MAP2: variants seen among roughly 807,000 people sequenced by gnomAD.
MAP2 encodes microtubule-associated protein 2.
MAP2 carries 14 observed loss-of-function variants against 137.6 expected under a neutral mutation model. The ratio of observed to expected loss-of-function variants is 0.10; its 90% confidence interval spans 0.07 to 0.16. The LOEUF (loss-of-function observed/expected upper bound fraction) is 0.16, where lower values mean the gene tolerates loss of function less well. Ranked by LOEUF, MAP2 falls within the 10% of genes least tolerant of loss-of-function variation. The pLI, the probability that MAP2 is intolerant of heterozygous loss-of-function variation, is 1.00. For missense variants in MAP2, 2,088 were observed against 2,191.5 expected (o/e 0.95, Z 0.94); for synonymous variants, 786 against 782.3 (o/e 1.00, Z -0.08).
At chr2:209,596,630 A>T (rs1009659332) in intron 3 of MAP2, among the ~76,000 whole-genome samples, 5 of 152,356 alleles carry the variant, frequency 3.3e-5, no homozygotes, top group Admixed American at 1.3e-4. Flanking sequence ...AAATATTGGC[A>T]TAGCTGAGGC....
At chr2:209,433,322 T>C (rs1416019625) in intron 1 of MAP2, among the ~76,000 whole-genome samples, 1 of 152,064 alleles carries the variant, frequency 6.6e-6, no homozygotes, top group African/African-American at 2.4e-5. Context: ...CCAGCCACAG[T>C]AGTACCCGGA....
chr2:209,512,482 A>G (rs902941504), intron 2 of MAP2, among the ~76,000 whole-genome samples: 1 of 151,632 alleles, frequency 6.6e-6, no homozygotes, highest in African/African-American at 2.4e-5. Context: ...AAAACAGAAA[A>G]TAAAATGAAT....
chr2:209,446,936 A>G (rs188025532), intron 1 of MAP2, among the ~76,000 whole-genome samples: 1 of 151,972 alleles, frequency 6.6e-6, no homozygotes, highest in East Asian at 1.9e-4. Context: ...AATAGCAGAT[A>G]TTTTCTCAGA....
chr2:209,509,572 A>T (rs571243177), intron 2 of MAP2, among the ~76,000 whole-genome samples: 34 of 151,956 alleles, frequency 2.2e-4, no homozygotes, highest in Non-Finnish European at 4.3e-4. Context: ...TTGTAAAAGC[A>T]GTTAGATGTA....
At chr2:209,488,848 G>A (rs539674751) in intron 1 of MAP2, among the ~76,000 whole-genome samples, 2 of 152,314 alleles carry the variant, frequency 1.3e-5, no homozygotes, top group East Asian at 1.9e-4. Flanking sequence ...GAAAGGGGGG[G>A]ATGTGGGTAC....
At chr2:209,583,052 A>G (rs2153408007) in intron 3 of MAP2, among the ~76,000 whole-genome samples, 2 of 152,170 alleles carry the variant, frequency 1.3e-5, no homozygotes, top group Middle Eastern at 6.8e-3. Context: ...TGTTCCATGC[A>G]ATAAGGTTAA....
rs986379288 is a variant in MAP2 at position 209,630,964 on chromosome 2, G to A, written c.-30+5835G>A. Among the ~76,000 whole-genome samples the A allele has an allele frequency of 2.5e-5, 3 of 118,146 alleles. No homozygotes were observed. The Admixed American group carries it at 3.5e-4, about 14-fold the overall frequency. The allele number at this position is 118,146 out of a possible 152,430, so 77.5% of individuals were successfully genotyped here. ...TATTCAAGCTCTCCTTGTCCCTTGA[G>A]CTAGAAAGTAGCATTTTTCAAGATT... On this transcript the variant is annotated intron_variant, in intron 4 of 15. Coordinates refer to ENST00000682079, the MANE Select transcript of MAP2 (RefSeq NM_001375505.1).
chr2:209,657,439 G>T (rs1292507155), intron 5 of MAP2, among the ~76,000 whole-genome samples: 1 of 152,112 alleles, frequency 6.6e-6, no homozygotes, highest in Non-Finnish European at 1.5e-5. Flanking sequence ...GTTAACATCT[G>T]TTGTCTTTTG....
At chr2:209,625,449 A>G (rs2092125674) in intron 4 of MAP2, among the ~76,000 whole-genome samples, 1 of 152,172 alleles carries the variant, frequency 6.6e-6, no homozygotes, top group Admixed American at 6.5e-5. Context: ...GTTACATGCC[A>G]AGCATGATCC....
intron 4 of MAP2, among the ~76,000 whole-genome samples, chr2:209,635,972 C>G (rs2093522993): frequency 6.6e-6 from 1 of 152,132 alleles, no homozygotes; most frequent in African/African-American, 2.4e-5. Context: ...AACTCAGGGG[C>G]TGATTCCTTC....
chr2:209,642,594 G>A (rs1019652838), intron 4 of MAP2, among the ~76,000 whole-genome samples: 3 of 151,940 alleles, frequency 2.0e-5, no homozygotes, highest in Non-Finnish European at 4.4e-5. Context: ...GAAATTACGT[G>A]TTATGCACCC....
At chr2:209,690,446 A>C (rs2058507868) in intron 7 of MAP2, among the ~76,000 whole-genome samples, 1 of 152,228 alleles carries the variant, frequency 6.6e-6, no homozygotes, top group African/African-American at 2.4e-5. Context: ...ATGTTGCATT[A>C]GAATATTAAT....
chr2:209,456,416 A>G (rs1701550312), intron 1 of MAP2, among the ~76,000 whole-genome samples: 2 of 152,196 alleles, frequency 1.3e-5, no homozygotes, highest in South Asian at 2.1e-4. Context: ...ATAATGAAGA[A>G]CCATCATTTT....
At chr2:209,534,073 G>A (rs1451872804) in intron 2 of MAP2, among the ~76,000 whole-genome samples, 1 of 152,164 alleles carries the variant, frequency 6.6e-6, no homozygotes, top group Non-Finnish European at 1.5e-5. Context: ...ACCAAGACCT[G>A]CCAAAGTGCT....
intron 1 of MAP2, among the ~76,000 whole-genome samples, chr2:209,438,930 A>T (rs1175244675): frequency 1.3e-5 from 2 of 151,266 alleles, no homozygotes; most frequent in East Asian, 3.9e-4. Context: ...ATAATAGAAT[A>T]AAATAGACCT....
At chr2:209,681,425 T>C (rs1301478160) in intron 7 of MAP2, among the ~76,000 whole-genome samples, 1 of 152,192 alleles carries the variant, frequency 6.6e-6, no homozygotes, top group African/African-American at 2.4e-5. Flanking sequence ...TTATTGTCCA[T>C]GGATCTTTTT....
At chr2:209,558,451 C>T (rs1248829145) in intron 2 of MAP2, among the ~76,000 whole-genome samples, 3 of 151,854 alleles carry the variant, frequency 2.0e-5, no homozygotes, top group East Asian at 1.9e-4. Context: ...AGCCTCCCAG[C>T]GTGCTGGGAT....
chr2:209,461,372 A>G (rs917705918), intron 1 of MAP2, among the ~76,000 whole-genome samples: 4 of 152,240 alleles, frequency 2.6e-5, no homozygotes, highest in African/African-American at 7.2e-5. Context: ...ATGGATTCAC[A>G]TAAGTTTATA....
chr2:209,534,600 A>G (rs2150624440), intron 2 of MAP2, among the ~76,000 whole-genome samples: 1 of 152,322 alleles, frequency 6.6e-6, no homozygotes, highest in Admixed American at 6.5e-5. Context: ...TATTCAAACT[A>G]ACTTCTGACT....
Sources: allele counts gnomAD v4.1 joint callset (sites outside exome capture counted in the v4.1 genomes callset), GRCh38; gene constraint gnomAD v4.1.1; transcripts MANE v1.5; gene names NCBI Gene and HGNC (gene_info 2026-07-23, HGNC 2026-07-21).